CTNNA2: variants seen among roughly 807,000 people sequenced by gnomAD.
The protein encoded by CTNNA2 is catenin alpha 2, also known as catenin alpha-2.
A neutral mutation model predicts 101.0 loss-of-function variants in CTNNA2; 42 were observed. That is an observed-to-expected ratio of 0.42 (90% confidence interval 0.32 to 0.54). CTNNA2 has a LOEUF of 0.54. Among genes scored for constraint, CTNNA2 ranks in the 20% least tolerant of loss-of-function variants. CTNNA2 has a pLI of 0.14. For synonymous variants in CTNNA2, 450 were observed against 456.4 expected (o/e 0.99, Z 0.18); for missense variants, 871 against 1,223.1 (o/e 0.71, Z 4.29).
chr2:79,653,154 T>C (rs1681375516), intron 2 of CTNNA2, among the ~76,000 whole-genome samples: 1 of 152,186 alleles, frequency 6.6e-6, no homozygotes, highest in African/African-American at 2.4e-5. Flanking sequence ...GAAAATTCCA[T>C]TAGATTTCAA....
At chr2:80,617,151 A>G (rs931832317) in intron 17 of CTNNA2, among the ~76,000 whole-genome samples, 3 of 151,792 alleles carry the variant, frequency 2.0e-5, no homozygotes, top group Non-Finnish European at 4.4e-5. Flanking sequence ...ATTAATCTTA[A>G]TGAACTTTAA....
intron 7 of CTNNA2, among the ~76,000 whole-genome samples, chr2:80,100,746 C>A (rs1700490974): frequency 6.6e-6 from 1 of 152,194 alleles, no homozygotes; most frequent in Non-Finnish European, 1.5e-5. Flanking sequence ...TCGTCTGAGG[C>A]TTGAATCTCT....
chr2:79,214,421 A>C (rs1473762126), intron 2 of CTNNA2, among the ~76,000 whole-genome samples: 2 of 152,196 alleles, frequency 1.3e-5, no homozygotes, highest in Non-Finnish European at 2.9e-5. Flanking sequence ...ATCCTGAACT[A>C]ACCTGTAAGG....
chr2:79,541,346 C>T (rs1045144523), intron 1 of CTNNA2, among the ~76,000 whole-genome samples: 4 of 137,170 alleles, frequency 2.9e-5, no homozygotes, highest in East Asian at 4.0e-4. Flanking sequence ...TATATATATA[C>T]ACACACACAA....
chr2:79,595,098 C>T (rs187641438), intron 1 of CTNNA2, among the ~76,000 whole-genome samples: 4 of 152,254 alleles, frequency 2.6e-5, no homozygotes, highest in Non-Finnish European at 5.9e-5. Context: ...CTCGGACTCT[C>T]TTCTGGATTT....
Position 79,682,397 on chromosome 2 carries a change from C to T in CTNNA2, c.102+30739C>T, listed in dbSNP as rs1407139729. Among the ~76,000 whole-genome samples, 16 of 103,104 alleles carry T rather than the reference C, an allele frequency of 1.6e-4. No individual in the cohort carries two copies. The Admixed American group carries it at 2.4e-3, about 15-fold the overall frequency. 67.6% of individuals were successfully genotyped at this position (103,104 alleles called of 152,430 possible). ...CTGCACTCCAGCCTGGGTGACAGAG[C>T]GAAACTCCATCTCAAAAAAAAAAAA... On this transcript the variant is annotated intron_variant, in intron 2 of 18. Transcript: ENST00000402739.
At chr2:79,686,144 C>T (rs1683915774) in intron 2 of CTNNA2, among the ~76,000 whole-genome samples, 1 of 151,868 alleles carries the variant, frequency 6.6e-6, no homozygotes. Context: ...GCTGGTAGAC[C>T]CATTGCAGGG....
At chr2:79,371,785 C>A (rs967711562) in intron 3 of CTNNA2, among the ~76,000 whole-genome samples, 1 of 152,022 alleles carries the variant, frequency 6.6e-6, no homozygotes, top group African/African-American at 2.4e-5. Flanking sequence ...TCTATGACAC[C>A]CTTAATGATT....
intron 3 of CTNNA2, among the ~76,000 whole-genome samples, chr2:79,853,611 T>G (rs1167343389): frequency 6.6e-6 from 1 of 152,136 alleles, no homozygotes; most frequent in Non-Finnish European, 1.5e-5. Flanking sequence ...CTGATGTTTT[T>G]GTTCCTAAAA....
intron 1 of CTNNA2, among the ~76,000 whole-genome samples, chr2:79,537,604 A>G (rs1413471312): frequency 6.6e-6 from 1 of 152,180 alleles, no homozygotes; most frequent in African/African-American, 2.4e-5. Flanking sequence ...CTTGGTAATC[A>G]GTTTTCATTC....
intron 9 of CTNNA2, among the ~76,000 whole-genome samples, chr2:80,543,654 A>G (rs1171502143): frequency 6.6e-6 from 1 of 152,190 alleles, no homozygotes; most frequent in Non-Finnish European, 1.5e-5. Flanking sequence ...AGTGACTTAT[A>G]AAGATGCCCA....
chr2:79,872,304 A>C (rs891191581), intron 5 of CTNNA2, among the ~76,000 whole-genome samples: 2 of 152,094 alleles, frequency 1.3e-5, no homozygotes, highest in African/African-American at 4.8e-5. Flanking sequence ...TGATTAAAAC[A>C]TGTTTCTTCA....
intron 7 of CTNNA2, among the ~76,000 whole-genome samples, chr2:80,382,217 A>C (rs530361516): frequency 6.6e-6 from 1 of 152,332 alleles, no homozygotes; most frequent in African/African-American, 2.4e-5. Flanking sequence ...TAGCCAATAC[A>C]TATTTATATG....
At chr2:79,278,104 G>C (rs1336774665) in intron 2 of CTNNA2, among the ~76,000 whole-genome samples, 1 of 152,114 alleles carries the variant, frequency 6.6e-6, no homozygotes, top group Non-Finnish European at 1.5e-5. Context: ...TCAGGCCACT[G>C]TAGAACCAAG....
At chr2:79,665,232 T>C (rs1682330931) in intron 2 of CTNNA2, among the ~76,000 whole-genome samples, 1 of 152,184 alleles carries the variant, frequency 6.6e-6, no homozygotes, top group Non-Finnish European at 1.5e-5. Flanking sequence ...TGCTGCCTTC[T>C]GATTTTTTGA....
At chr2:79,674,041 A>C (rs79958949) in intron 2 of CTNNA2, among the ~76,000 whole-genome samples, 5,816 of 152,238 alleles carry the variant, frequency 0.038, 356 homozygotes, top group African/African-American at 0.13. Flanking sequence ...AGCTCATTTA[A>C]ATGCAGGTTC....
intron 4 of CTNNA2, among the ~76,000 whole-genome samples, chr2:79,483,819 C>T (rs558192865): frequency 2.0e-5 from 3 of 152,270 alleles, no homozygotes; most frequent in African/African-American, 7.2e-5. Flanking sequence ...GACTGATGAG[C>T]ATTTGGGCTA....
At chr2:79,930,249 A>G (rs556689129) in intron 7 of CTNNA2, among the ~76,000 whole-genome samples, 722 of 15,226 alleles carry the variant, frequency 0.047, 17 homozygotes, top group African/African-American at 0.13. Context: ...TCTCAAAGAA[A>G]GAAAGAAAGA....
chr2:80,053,521 A>G (rs1697013484), intron 7 of CTNNA2, among the ~76,000 whole-genome samples: 1 of 152,230 alleles, frequency 6.6e-6, no homozygotes. Context: ...CTCCAGACTA[A>G]GTGACATGGA....
Sources: gnomAD v4.1 joint callset for allele counts (sites outside exome capture counted in the v4.1 genomes callset) on GRCh38, gnomAD v4.1.1 for gene constraint, MANE v1.5 for transcripts, NCBI Gene and HGNC (gene_info 2026-07-23, HGNC 2026-07-21) for gene names.